ADAM22: variants seen among roughly 807,000 people sequenced by gnomAD.
ADAM22 encodes the protein ADAM metallopeptidase domain 22.
A neutral mutation model predicts 144.6 loss-of-function variants in ADAM22; 65 were observed. That is an observed-to-expected ratio of 0.45 (90% CI 0.37 to 0.55). The LOEUF (loss-of-function observed/expected upper bound fraction) is 0.55, where lower values mean the gene tolerates loss of function less well. ADAM22 is among the 20% of genes least tolerant of loss of function. The pLI, the probability that ADAM22 is intolerant of heterozygous loss-of-function variation, is 0.00. For missense variants in ADAM22, 974 were observed against 1,184.9 expected (o/e 0.82, Z 2.61); for synonymous variants, 391 against 412.6 (o/e 0.95, Z 0.63).
chr7:88,161,695 G>C (rs1841685729), intron 22 of ADAM22, among the ~76,000 whole-genome samples: 2 of 151,992 alleles, frequency 1.3e-5, no homozygotes, highest in Non-Finnish European at 2.9e-5. Flanking sequence ...TTTGGTCAAA[G>C]AGCATGTGAA....
At chr7:87,982,701 T>TATATATATATATATATAAA in intron 3 of ADAM22, among the ~76,000 whole-genome samples, 1 of 33,784 alleles carries the variant, frequency 3.0e-5, no homozygotes, top group South Asian at 1.3e-3. Context: ...ATATATATAA[T>TATATATATATATATATAAA]TTTTTTTTTT....
chr7:87,980,287 C>CTTTTTTTTTTTTTTTTTTTT (rs71120015), intron 3 of ADAM22, among the ~76,000 whole-genome samples: 4 of 118,416 alleles, frequency 3.4e-5, no homozygotes, highest in African/African-American at 7.6e-5. Flanking sequence ...GCACTGTGCT[C>CTTTTTTTTTTTTTTTTTTTT]TTTTTTTTTT....
chr7:88,147,084 T>C (rs892199424), intron 17 of ADAM22, among the ~76,000 whole-genome samples: 1 of 152,194 alleles, frequency 6.6e-6, no homozygotes. Context: ...ACAACTAGGC[T>C]CCCTGTGATA....
At chr7:88,085,649 C>T (rs1420430735) in intron 4 of ADAM22, among the ~76,000 whole-genome samples, 1 of 152,118 alleles carries the variant, frequency 6.6e-6, no homozygotes, top group Non-Finnish European at 1.5e-5. Flanking sequence ...TCACATAAAA[C>T]ATGTATGGGT....
chr7:87,978,629 T>G (rs1435461188), intron 3 of ADAM22, among the ~76,000 whole-genome samples: 2 of 152,226 alleles, frequency 1.3e-5, no homozygotes, highest in Non-Finnish European at 2.9e-5. Context: ...GAGTTAAGAA[T>G]GTAAAATGAA....
At chr7:88,017,650 T>C (rs1476318084) in intron 3 of ADAM22, among the ~76,000 whole-genome samples, 1 of 152,172 alleles carries the variant, frequency 6.6e-6, no homozygotes, top group African/African-American at 2.4e-5. Context: ...AAGTATGTAC[T>C]CAGAAGTTTT....
At chr7:87,998,826 C>T (rs188774676) in intron 3 of ADAM22, among the ~76,000 whole-genome samples, 77 of 152,196 alleles carry the variant, frequency 5.1e-4, no homozygotes, top group Admixed American at 4.1e-3. Context: ...TTCTGCCTAC[C>T]GTAATACATT....
intron 30 of ADAM22, among the ~76,000 whole-genome samples, chr7:88,189,987 C>G (rs140869900): frequency 8.0e-4 from 122 of 152,080 alleles, no homozygotes; most frequent in African/African-American, 2.9e-3. Flanking sequence ...CTGGATCAAC[C>G]TACTATAAAA....
intron 7 of ADAM22, among the ~76,000 whole-genome samples, chr7:88,119,732 A>G (rs756198136): frequency 1.3e-5 from 2 of 152,106 alleles, no homozygotes; most frequent in Non-Finnish European, 1.5e-5. Context: ...CAAGTGATCC[A>G]CCCGCCTTGG....
chr7:88,149,389 G>C (rs1299070050), intron 18 of ADAM22, among the ~76,000 whole-genome samples: 1 of 152,194 alleles, frequency 6.6e-6, no homozygotes, highest in Non-Finnish European at 1.5e-5. Context: ...CAAGAAGTCA[G>C]TGGAGGCAGG....
chr7:88,010,807 T>G (rs1795180661), intron 3 of ADAM22, among the ~76,000 whole-genome samples: 1 of 152,216 alleles, frequency 6.6e-6, no homozygotes, highest in Non-Finnish European at 1.5e-5. Context: ...CTGTAGTAGC[T>G]GAGGCCAAGG....
rs1018160112 is a variant in ADAM22, at chr7:88,131,294, G to C, written c.851G>C (p.Arg284Thr). Residue 284 changes from arginine to threonine, a missense_variant, in exon 11 of 32, where the codon AGG becomes ACG. This residue lies in a region of ADAM22 where 734 missense variants were observed against 950.6 expected (regional missense o/e 0.77). Transcript: ENST00000413139. ...DLIYKDQLKT[R>T]IVLVAMETWA... Reference sequence around the variant, plus strand: ...ATATATAAAGACCAACTTAAGACCAGGATAGTATTGGTTGCTATGGAAACC... The same window carrying C: ...ATATATAAAGACCAACTTAAGACCACGATAGTATTGGTTGCTATGGAAACC... 2.5e-6 allele frequency: 4 copies of C among 1,613,530 alleles called. No homozygotes were observed. In the Admixed American group the frequency reaches 5.0e-5, roughly 20 times the overall value.
intron 2 of ADAM22, among the ~76,000 whole-genome samples, chr7:87,945,721 G>A (rs1562815047): frequency 6.6e-6 from 1 of 151,842 alleles, no homozygotes; most frequent in Non-Finnish European, 1.5e-5. Flanking sequence ...CACCTTCTTG[G>A]CCAGGCTGGT....
intron 2 of ADAM22, among the ~76,000 whole-genome samples, chr7:87,935,902 A>T (rs546835684): frequency 1.3e-5 from 2 of 152,320 alleles, no homozygotes; most frequent in East Asian, 1.9e-4. Flanking sequence ...AATTACTGTG[A>T]ATTTATTGAC....
At chr7:88,186,419 T>C (rs1389014050) in intron 29 of ADAM22, 196 bp from the exon 30 acceptor site, 13 of 587,294 alleles carry the variant, frequency 2.2e-5, no homozygotes, top group Non-Finnish European at 3.9e-5. Flanking sequence ...AATGCCTTGA[T>C]TGAGCCTTGT....
Position 87,934,268 on chromosome 7 carries a change from G to T in ADAM22, c.-198G>T. On this transcript the variant is annotated 5_prime_UTR_variant, in exon 1 of 32. Transcript: ENST00000413139. Reference sequence around the variant, plus strand: ...AATGCAGCACTCGCTCGCTCCCCCCGCCAGCGGAAGCGTCCGCGAAGCACA... The same window carrying T: ...AATGCAGCACTCGCTCGCTCCCCCCTCCAGCGGAAGCGTCCGCGAAGCACA... 1 of 512,770 alleles carries T rather than the reference G, an allele frequency of 2.0e-6. No homozygotes were observed. The highest frequency in any genetic ancestry group is 3.4e-6 in the Non-Finnish European group (1 of 296,758). The allele number at this position is 512,770 out of a possible 1,614,324, so 31.8% of individuals were successfully genotyped here.
chr7:88,001,966 G>T (rs923327602), intron 3 of ADAM22, among the ~76,000 whole-genome samples: 1 of 151,884 alleles, frequency 6.6e-6, no homozygotes, highest in African/African-American at 2.4e-5. Context: ...TGGAGGTCAG[G>T]GTTTTTTTTT....
chr7:88,022,761 C>A (rs575838383), intron 3 of ADAM22, among the ~76,000 whole-genome samples: 179 of 152,034 alleles, frequency 1.2e-3, no homozygotes, highest in Middle Eastern at 3.4e-3. Context: ...AGTTTTTATT[C>A]CGGCTTTATA....
intron 2 of ADAM22, among the ~76,000 whole-genome samples, chr7:87,965,252 G>A (rs1014097679): frequency 1.3e-5 from 2 of 152,156 alleles, no homozygotes; most frequent in African/African-American, 2.4e-5. Context: ...AAAACCTGTC[G>A]TTTGCATATC....
Sources: gnomAD v4.1 joint callset for allele counts (sites outside exome capture counted in the v4.1 genomes callset) on GRCh38, gnomAD v4.1.1 for gene constraint, gnomAD v4.1.1 regional missense constraint, MANE v1.5 for transcripts, NCBI Gene and HGNC (gene_info 2026-07-23, HGNC 2026-07-21) for gene names.